CSMD1: variants seen among roughly 807,000 people sequenced by gnomAD.
The protein encoded by CSMD1 is CUB and Sushi multiple domains 1, also known as CUB and sushi domain-containing protein 1.
Under a neutral mutation model 417.5 loss-of-function variants are expected in CSMD1, and 213 were observed. The ratio of observed to expected loss-of-function variants is 0.51; its 90% CI spans 0.46 to 0.57. The LOEUF is 0.57. Among genes scored for constraint, CSMD1 ranks in the 20% least tolerant of loss-of-function variants. CSMD1 has a pLI of 0.00. For synonymous variants in CSMD1, 2,862 were observed against 1,736.8 expected, an observed-to-expected ratio of 1.65 and a Z score of -16.11; for missense variants, 6,923 against 4,529.7, an observed-to-expected ratio of 1.53 and a Z score of -15.17.
chr8:4,604,587 C>A (rs1800771246), intron 2 of CSMD1, among the ~76,000 whole-genome samples: 1 of 151,932 alleles, frequency 6.6e-6, no homozygotes. Context: ...AACAGAATAC[C>A]TAGCTTAAAA....
At chr8:4,196,909 C>G (rs1213815669) in intron 3 of CSMD1, among the ~76,000 whole-genome samples, 3 of 152,202 alleles carry the variant, frequency 2.0e-5, no homozygotes, top group Non-Finnish European at 4.4e-5. Flanking sequence ...TCCCACATTT[C>G]TAAGAGTTTG....
intron 5 of CSMD1, among the ~76,000 whole-genome samples, chr8:3,939,871 G>A (rs1810757328): frequency 2.0e-5 from 3 of 152,000 alleles, no homozygotes; most frequent in Admixed American, 2.0e-4. Context: ...AGAAGGGTAG[G>A]AAGCGGGTGA....
intron 6 of CSMD1, among the ~76,000 whole-genome samples, chr8:3,715,092 T>C (rs1801749606): frequency 6.6e-6 from 1 of 152,212 alleles, no homozygotes; most frequent in Non-Finnish European, 1.5e-5. Context: ...CTTCATTAGA[T>C]TTTTTTGTGT....
chr8:3,497,069 G>T (rs1343746787), intron 10 of CSMD1, among the ~76,000 whole-genome samples: 1 of 152,146 alleles, frequency 6.6e-6, no homozygotes, highest in Non-Finnish European at 1.5e-5. Context: ...CATACGATCA[G>T]TCCTGAAGAA....
chr8:3,459,728 C>T (rs1369861670), intron 12 of CSMD1, among the ~76,000 whole-genome samples: 1 of 152,040 alleles, frequency 6.6e-6, no homozygotes, highest in African/African-American at 2.4e-5. Flanking sequence ...TTCAGGGACC[C>T]AAGCACTCAA....
At chr8:3,351,539 G>C (rs923523303) in intron 21 of CSMD1, among the ~76,000 whole-genome samples, 1 of 150,076 alleles carries the variant, frequency 6.7e-6, no homozygotes, top group African/African-American at 2.5e-5. Context: ...AGAAGTTACA[G>C]TGAGCCGAGA....
intron 4 of CSMD1, among the ~76,000 whole-genome samples, chr8:4,008,497 T>C (rs1338776522): frequency 6.6e-6 from 1 of 151,398 alleles, no homozygotes; most frequent in East Asian, 1.9e-4. Context: ...TGTTTACACA[T>C]GATGCAGAAC....
intron 3 of CSMD1, among the ~76,000 whole-genome samples, chr8:4,254,516 G>A (rs1019773941): frequency 5.3e-5 from 8 of 152,188 alleles, no homozygotes; most frequent in South Asian, 2.1e-4. Flanking sequence ...TAAATTTCAC[G>A]TAGCCTAAAC....
intron 1 of CSMD1, among the ~76,000 whole-genome samples, chr8:4,737,995 A>G (rs1364534344): frequency 6.6e-6 from 1 of 152,234 alleles, no homozygotes; most frequent in Non-Finnish European, 1.5e-5. Context: ...TAATGATAGC[A>G]TATCCTTTCT....
chr8:4,451,252 G>C (rs941186764), intron 2 of CSMD1, among the ~76,000 whole-genome samples: 2 of 152,106 alleles, frequency 1.3e-5, no homozygotes, highest in African/African-American at 2.4e-5. Flanking sequence ...GATGGCTTGA[G>C]CCCAGGAGGT....
intron 1 of CSMD1, among the ~76,000 whole-genome samples, chr8:4,716,982 A>G (rs767616111): frequency 1.3e-5 from 2 of 152,150 alleles, no homozygotes; most frequent in African/African-American, 4.8e-5. Context: ...ACAAAATCCA[A>G]GTCTCCTGGT....
At chr8:4,100,644 C>A (rs980355333) in intron 3 of CSMD1, among the ~76,000 whole-genome samples, 1 of 152,062 alleles carries the variant, frequency 6.6e-6, no homozygotes, top group Non-Finnish European at 1.5e-5. Context: ...GTATGTCCAT[C>A]ATTTCGATGA....
chr8:3,290,712 A>G (rs1484916577), intron 25 of CSMD1, among the ~76,000 whole-genome samples: 1 of 147,170 alleles, frequency 6.8e-6, no homozygotes, highest in Non-Finnish European at 1.5e-5. Context: ...TTATCAGCTT[A>G]AGGAGATTTT....
intron 2 of CSMD1, among the ~76,000 whole-genome samples, chr8:4,626,670 G>T (rs1013038646): frequency 2.0e-5 from 3 of 152,098 alleles, no homozygotes; most frequent in Non-Finnish European, 2.9e-5. Flanking sequence ...GAGCTCTGCA[G>T]TGGGCTTCAC....
At chr8:4,688,058 T>C (rs571239957) in intron 1 of CSMD1, among the ~76,000 whole-genome samples, 5 of 152,204 alleles carry the variant, frequency 3.3e-5, no homozygotes, top group Non-Finnish European at 5.9e-5. Flanking sequence ...GATTGCCCTA[T>C]GGCTCAGTTC....
chr8:4,204,890 T>C (rs1023508633), intron 3 of CSMD1, among the ~76,000 whole-genome samples: 3 of 152,112 alleles, frequency 2.0e-5, no homozygotes, highest in African/African-American at 7.2e-5. Context: ...TGAACTCCTG[T>C]CCTCAAAGAT....
intron 2 of CSMD1, among the ~76,000 whole-genome samples, chr8:4,478,943 G>A (rs911143740): frequency 2.6e-5 from 4 of 152,168 alleles, no homozygotes; most frequent in African/African-American, 4.8e-5. Context: ...CTTAATTCAC[G>A]GAAATTTTCT....
intron 1 of CSMD1, among the ~76,000 whole-genome samples, chr8:4,835,705 T>C (rs1800436404): frequency 6.6e-6 from 1 of 152,132 alleles, no homozygotes; most frequent in African/African-American, 2.4e-5. Flanking sequence ...TTGTGGTCAG[T>C]ATATTTTAGT....
intron 8 of CSMD1, among the ~76,000 whole-genome samples, chr8:3,615,711 T>C (rs1458936813): frequency 6.6e-6 from 1 of 152,218 alleles, no homozygotes; most frequent in Non-Finnish European, 1.5e-5. Context: ...AGTACTTTTC[T>C]TCCATTTGTA....
Sources: gnomAD v4.1 joint callset for allele counts (sites outside exome capture counted in the v4.1 genomes callset) on GRCh38, gnomAD v4.1.1 for gene constraint, MANE v1.5 for transcripts, NCBI Gene and HGNC (gene_info 2026-07-23, HGNC 2026-07-21) for gene names.